The following MOBP variants were observed in gnomAD, a reference collection of about 807,000 sequenced individuals.
MOBP encodes the protein myelin associated oligodendrocyte basic protein, also known as myelin-associated oligodendrocyte basic protein.
A neutral mutation model predicts 15.0 loss-of-function variants in MOBP; 5 were observed. The ratio of observed to expected loss-of-function variants is 0.33; its 90% confidence interval spans 0.17 to 0.70. MOBP has a LOEUF of 0.70. Among genes scored for constraint, MOBP ranks in the 30% least tolerant of loss-of-function variants. The pLI is 0.67. For synonymous variants in MOBP, 88 were observed against 99.0 expected, an observed-to-expected ratio of 0.89 and a Z score of 0.66; for missense variants, 188 against 257.8, an observed-to-expected ratio of 0.73 and a Z score of 1.85.
intron 2 of MOBP, among the ~76,000 whole-genome samples, chr3:39,498,467 C>T (rs914108440): frequency 1.1e-4 from 17 of 152,252 alleles, no homozygotes; most frequent in African/African-American, 2.6e-4. Flanking sequence ...TCTCTTGCCT[C>T]AGCTGCCCGA....
chr3:39,515,350 A>G (rs878944347), exon 5 of MOBP: 1 of 152,174 alleles, frequency 6.6e-6, no homozygotes, highest in Non-Finnish European at 1.5e-5. Flanking sequence ...TTTGGGCCCA[A>G]ACTTAGCTAC....
chr3:39,496,965 G>C (rs1028750120), intron 2 of MOBP, among the ~76,000 whole-genome samples: 2 of 152,008 alleles, frequency 1.3e-5, no homozygotes, highest in African/African-American at 4.8e-5. Flanking sequence ...GCCCGGCCTG[G>C]CTAATTTTTA....
intron 2 of MOBP, among the ~76,000 whole-genome samples, chr3:39,495,934 A>G (rs1559421619): frequency 6.6e-6 from 1 of 151,970 alleles, no homozygotes; most frequent in Non-Finnish European, 1.5e-5. Context: ...CAAATATAGA[A>G]TATAAACTAT....
At chr3:39,503,060 G>A, downstream of MOBP, 1 of 530,918 alleles carries the variant, frequency 1.9e-6, no homozygotes. Flanking sequence ...CCTCCTAGGT[G>A]CTATTGGTGC....
chr3:39,480,706 C>T lies in MOBP; in HGVS notation c.-5+583C>T, dbSNP rs142550466. Among the ~76,000 whole-genome samples, 1,394 of 152,302 alleles carry T rather than the reference C, an allele frequency of 9.2e-3. 13 individuals carry two copies. Among genetic ancestry groups the T allele is most frequent in the Non-Finnish European group, 0.012 (846 of 68,030 alleles). Reference sequence around the variant, plus strand: ...TTCACCGGGCCTCCAAGTCACATCTCCTCCTTCGCTGATGGTTTTTTACTG... The same window carrying T: ...TTCACCGGGCCTCCAAGTCACATCTTCTCCTTCGCTGATGGTTTTTTACTG... On this transcript the variant is annotated intron_variant, in intron 2 of 3. Transcript: ENST00000684792.
intron 2 of MOBP, chr3:39,499,899 C>A: frequency 2.5e-6 from 1 of 401,108 alleles, no homozygotes; most frequent in Non-Finnish European, 5.0e-6. Flanking sequence ...CATCTTTGGC[C>A]AGATGAAATG....
At position 39,468,824 on chromosome 3, in the gene MOBP, TACATA is replaced by T. The variant is rs1470382283; in HGVS notation, c.-89+1085_-89+1089del. ...TATACATATGTGTGTGTATACATAT[TACATA>T]TGTGTGTATATATACATATATACAT... On this transcript the variant is annotated intron_variant, in intron 1 of 3. Transcript: ENST00000684792. 4.5e-4 allele frequency among the ~76,000 whole-genome samples: 36 copies of T among 80,376 alleles called. 7 individuals are homozygous for T. Among genetic ancestry groups the T allele is most frequent in the African/African-American group, 4.2e-3 (35 of 8,304 alleles). 52.7% of individuals were successfully genotyped at this position (80,376 alleles called of 152,430 possible). A position where few individuals can be genotyped will look rare whatever the true frequency, so the allele number is the denominator to read the frequency against.
rs112581190 is a variant in MOBP at position 39,488,590 on chromosome 3, C to T, written c.-5+8467C>T. ...ACCTTTAGAAGCATCTCAGGCTTAA[C>T]CTGTGTGGAACATAGTAGGTGCTCA... On this transcript the variant is annotated intron_variant, in intron 2 of 3. Transcript: ENST00000684792. Among the ~76,000 whole-genome samples, 326 of 152,304 alleles carry T rather than the reference C, an allele frequency of 2.1e-3. 2 individuals are homozygous for T. The highest frequency in any genetic ancestry group is 7.7e-3 in the African/African-American group (319 of 41,562).
chr3:39,515,764 C>T (rs900715112), exon 5 of MOBP: 1 of 152,154 alleles, frequency 6.6e-6, no homozygotes, highest in Admixed American at 6.5e-5. Context: ...GAGGTGCTTC[C>T]CTTGAAAACT....
Position 39,468,092 on chromosome 3 carries a change from T to A in MOBP, c.-89+352T>A, listed in dbSNP as rs558774693. 4.4e-4 allele frequency among the ~76,000 whole-genome samples: 66 copies of A among 151,084 alleles called. No individual in the cohort carries two copies. The South Asian group carries it at 6.2e-3, about 14-fold the overall frequency. On this transcript the variant is annotated intron_variant, in intron 1 of 3. Coordinates refer to ENST00000684792, the MANE Select transcript of MOBP (RefSeq NM_001393704.1). ...GCTGCTGCTGCTGCTTTTTTTTTTT[T>A]AATTTATTTCTTCTTTTATTATTTG...
intron 2 of MOBP, among the ~76,000 whole-genome samples, chr3:39,500,383 A>G (rs2042952257): frequency 6.6e-6 from 1 of 152,236 alleles, no homozygotes; most frequent in Non-Finnish European, 1.5e-5. Flanking sequence ...AAATAACTCT[A>G]ACATTAAAAG....
rs112082184 is a variant in MOBP, at chr3:39,502,817, C to T, written c.489C>T (p.Ser163=). 1.9e-5 allele frequency: 29 copies of T among 1,530,612 alleles called. No individual in the cohort carries two copies. In the African/African-American group the frequency reaches 2.1e-4, roughly 11 times the overall value. 94.8% of individuals were successfully genotyped at this position (1,530,612 alleles called of 1,614,324 possible). A position where few individuals can be genotyped will look rare whatever the true frequency, so the allele number is the denominator to read the frequency against. ...PQKSKQQPRS[S]PLRGPGASRG... ...AGTCCAAGCAACAGCCGCGCAGCAG[C>T]CCCCTCAGAGGGCCAGGCGCCAGCC... is the stretch of plus-strand genomic sequence containing the variant. The change falls in exon 4 of 4, where the codon AGC becomes AGT. Residue 163 remains serine, a synonymous_variant. Coordinates refer to ENST00000684792, the MANE Select transcript of MOBP (RefSeq NM_001393704.1). The surrounding 1 kb of genome is among the most constrained non-coding windows in gnomAD (Gnocchi z 6.3).
At chr3:39,485,817 C>T (rs923654845) in intron 2 of MOBP, among the ~76,000 whole-genome samples, 2 of 152,194 alleles carry the variant, frequency 1.3e-5, no homozygotes, top group Non-Finnish European at 2.9e-5. Context: ...AAGATGGACA[C>T]AAACGATGCT....
At chr3:39,495,527 C>T (rs1275623226) in intron 2 of MOBP, among the ~76,000 whole-genome samples, 2 of 151,208 alleles carry the variant, frequency 1.3e-5, no homozygotes, top group Non-Finnish European at 2.9e-5. Flanking sequence ...CACCTGTAAT[C>T]CCAGCACTTT....
At position 39,480,102 on chromosome 3, in the gene MOBP, A is replaced by C. The variant is rs998838756; in HGVS notation, c.-26A>C. ...CTCATAACAGAGATCCAATCAGCAGATGTGTACGGATGAAAATACAGGTAC... is the reference window on the plus strand; with the variant it reads ...CTCATAACAGAGATCCAATCAGCAGCTGTGTACGGATGAAAATACAGGTAC... On this transcript the variant is annotated 5_prime_UTR_variant, in exon 2 of 4. It removes an upstream start codon present in the reference 5' UTR. Transcript: ENST00000684792. 43 of 152,248 alleles carry C rather than the reference A, an allele frequency of 2.8e-4. No homozygotes were observed. The highest frequency in any genetic ancestry group is 9.9e-4 in the African/African-American group (41 of 41,558). 9.4% of individuals were successfully genotyped at this position (152,248 alleles called of 1,614,324 possible). A position where few individuals can be genotyped will look rare whatever the true frequency, so the allele number is the denominator to read the frequency against.
At chr3:39,517,108 A>T (rs1422176287), downstream of MOBP, among the ~76,000 whole-genome samples, 1 of 152,172 alleles carries the variant, frequency 6.6e-6, no homozygotes, top group Non-Finnish European at 1.5e-5. Context: ...GGCAAAGATG[A>T]TACTGTTGAC....
At chr3:39,518,774 T>G (rs1513214), downstream of MOBP, among the ~76,000 whole-genome samples, 4 of 151,994 alleles carry the variant, frequency 2.6e-5, no homozygotes, top group East Asian at 7.7e-4. Flanking sequence ...TCAATCATGT[T>G]TACATGCAGA....
intron 3 of MOBP, among the ~76,000 whole-genome samples, chr3:39,521,843 C>T (rs2043272033): frequency 6.6e-6 from 1 of 151,758 alleles, no homozygotes; most frequent in Non-Finnish European, 1.5e-5. Context: ...CCGTCTTCTC[C>T]TCTTATGCTA....
rs147640857 is a variant in MOBP at position 39,497,350 on chromosome 3, C to A, written c.-4-4716C>A. 2.3e-3 allele frequency among the ~76,000 whole-genome samples: 353 copies of A among 152,290 alleles called. 2 individuals carry two copies. Among genetic ancestry groups the A allele is most frequent in the African/African-American group, 8.1e-3 (337 of 41,556 alleles). ...CTTTCTCTTCTGGAGTGATTTGTTT[C>A]CCCAACTTTCAGTCTTTGTCACCCT... On this transcript the variant is annotated intron_variant, in intron 2 of 3. Coordinates refer to ENST00000684792, the MANE Select transcript of MOBP (RefSeq NM_001393704.1).
Sources: gnomAD v4.1 joint callset for allele counts (sites outside exome capture counted in the v4.1 genomes callset) on GRCh38, gnomAD v4.1.1 for gene constraint, Gnocchi (gnomAD v3.1) non-coding constraint, MANE v1.5 for transcripts, NCBI Gene and HGNC (gene_info 2026-07-23, HGNC 2026-07-21) for gene names.